The following SLC29A3 variants were observed in gnomAD, a reference collection of about 807,000 sequenced individuals.
The protein encoded by SLC29A3 is solute carrier family 29 member 3, also known as equilibrative nucleoside transporter 3.
A neutral mutation model predicts 25.4 loss-of-function variants in SLC29A3; 18 were observed. That is an observed-to-expected ratio of 0.71 (90% confidence interval 0.49 to 1.05). The LOEUF (loss-of-function observed/expected upper bound fraction) is 1.05, where lower values mean the gene tolerates loss of function less well. Among genes scored for constraint, SLC29A3 ranks in the 50% least tolerant of loss-of-function variants. The pLI is 0.00. For missense variants in SLC29A3, 586 were observed against 609.0 expected, an observed-to-expected ratio of 0.96 and a Z score of 0.40; for synonymous variants, 258 against 267.1, an observed-to-expected ratio of 0.97 and a Z score of 0.33.
At chr10:71,323,728 G>A (rs918128731) in intron 2 of SLC29A3, among the ~76,000 whole-genome samples, 1 of 152,184 alleles carries the variant, frequency 6.6e-6, no homozygotes, top group Admixed American at 6.5e-5. Flanking sequence ...GAATCCGAAG[G>A]GATAATTAGT....
intron 2 of SLC29A3, among the ~76,000 whole-genome samples, chr10:71,336,154 C>T (rs1846246425): frequency 6.6e-6 from 1 of 152,190 alleles, no homozygotes; most frequent in Non-Finnish European, 1.5e-5. Flanking sequence ...CAGTCTGTGG[C>T]TCTGTCTTCA....
intron 1 of SLC29A3, 133 bp downstream of exon 1, chr10:71,319,443 G>A (rs1455615799): frequency 2.1e-6 from 1 of 472,742 alleles, no homozygotes; most frequent in Non-Finnish European, 3.7e-6. Context: ...TACCCCATCC[G>A]TGGTCCCTTC....
intron 2 of SLC29A3, among the ~76,000 whole-genome samples, chr10:71,326,256 C>T (rs1845963092): frequency 6.6e-6 from 1 of 152,132 alleles, no homozygotes; most frequent in Non-Finnish European, 1.5e-5. Context: ...ATTATAATAC[C>T]ACCACCAACT....
intron 5 of SLC29A3, among the ~76,000 whole-genome samples, chr10:71,356,901 TA>T (rs1400206401): frequency 6.6e-6 from 1 of 152,194 alleles, no homozygotes; most frequent in Non-Finnish European, 1.5e-5. Flanking sequence ...TATTATTTTT[TA>T]TTATTCCCAT....
chr10:71,352,198 G>T (rs545591973), intron 4 of SLC29A3, among the ~76,000 whole-genome samples: 1 of 152,254 alleles, frequency 6.6e-6, no homozygotes, highest in South Asian at 2.1e-4. Flanking sequence ...CATGGTGTCT[G>T]GGTTGCAAAA....
intron 4 of SLC29A3, 129 bp from the exon 5 acceptor site, chr10:71,355,952 A>C (rs561705829): frequency 6.8e-6 from 7 of 1,027,038 alleles, no homozygotes; most frequent in Non-Finnish European, 1.0e-5. Flanking sequence ...CAGGACACTG[A>C]GAGAGCTTTG....
At chr10:71,381,190 G>A (rs947829659) in exon 5 of SLC29A3, 3 of 152,186 alleles carry the variant, frequency 2.0e-5, no homozygotes, top group Non-Finnish European at 4.4e-5. Flanking sequence ...CCTAATGTGA[G>A]CTATGGACTT....
At chr10:71,363,611 A>C (rs1847126390), downstream of SLC29A3, among the ~76,000 whole-genome samples, 1 of 151,276 alleles carries the variant, frequency 6.6e-6, no homozygotes, top group African/African-American at 2.4e-5. Flanking sequence ...CTACAGGTGC[A>C]CACCACCATG....
chr10:71,367,902 C>T (rs758592895), downstream of SLC29A3, among the ~76,000 whole-genome samples: 2 of 152,170 alleles, frequency 1.3e-5, no homozygotes, highest in Non-Finnish European at 2.9e-5. Context: ...ACTTTAGCCA[C>T]GTCCTGCTGG....
chr10:71,375,012 C>G (rs1375338420), intron 3 of SLC29A3, among the ~76,000 whole-genome samples: 1 of 152,202 alleles, frequency 6.6e-6, no homozygotes. Flanking sequence ...GCTCATCTCA[C>G]CTATGCCTGA....
intron 3 of SLC29A3, among the ~76,000 whole-genome samples, chr10:71,344,895 A>G (rs1846524682): frequency 6.6e-6 from 1 of 152,234 alleles, no homozygotes; most frequent in South Asian, 2.1e-4. Context: ...AGCTGCCACT[A>G]AATGATATCA....
chr10:71,345,635 C>A (rs977931664), intron 3 of SLC29A3, among the ~76,000 whole-genome samples: 1 of 150,770 alleles, frequency 6.6e-6, no homozygotes, highest in Non-Finnish European at 1.5e-5. Context: ...GTTGCAGCCC[C>A]TCTCACCAGC....
intron 4 of SLC29A3, among the ~76,000 whole-genome samples, chr10:71,378,894 G>A (rs1236489487): frequency 3.3e-5 from 5 of 152,178 alleles, no homozygotes; most frequent in South Asian, 4.1e-4. Context: ...TCTAATAAAC[G>A]ACTTGCACTT....
At position 71,362,356 on chromosome 10, in the gene SLC29A3, C is replaced by T; in HGVS notation, c.1176C>T (p.Leu392=). ...TCCTCCGGACCTGCCTCATCCCCCT[C>T]TTCGTGCTCTGTAACTACCAGCCCC... ...FVLLRTCLIP[L]FVLCNYQPRV... is the part of the protein sequence containing the mutation. Residue 392 remains leucine (L), a synonymous_variant, in exon 6 of 6, where the codon CTC becomes CTT. Coordinates refer to ENST00000373189, the MANE Select transcript of SLC29A3 (RefSeq NM_018344.6). The T allele has an allele frequency of 1.2e-6, 2 of 1,614,212 alleles. No homozygotes were observed. The highest frequency in any genetic ancestry group is 8.5e-7 in the Non-Finnish European group (1 of 1,180,042).
Position 71,362,676 on chromosome 10 carries a change from G to T in SLC29A3, c.*68G>T. ...ATGAGAAGAGAGTGCAGGAGGGCTG[G>T]GGGCCATGGAGGAAAGGCCTAAAGT... On this transcript the variant is annotated 3_prime_UTR_variant, in exon 6 of 6. Transcript: ENST00000373189. 1 of 1,604,170 alleles carries T rather than the reference G, an allele frequency of 6.2e-7. No individual in the cohort carries two copies.
intron 2 of SLC29A3, among the ~76,000 whole-genome samples, chr10:71,335,814 T>TA (rs1451651285): frequency 6.6e-6 from 1 of 151,650 alleles, no homozygotes; most frequent in Non-Finnish European, 1.5e-5. Context: ...GATGTATGGG[T>TA]AGAGGTCATG....
chr10:71,362,927 G>T lies in SLC29A3; in HGVS notation c.*319G>T. 1 of 540,248 alleles carries T rather than the reference G, an allele frequency of 1.9e-6. No homozygotes were observed. Among genetic ancestry groups the T allele is most frequent in the Non-Finnish European group, 3.5e-6 (1 of 283,594 alleles). The allele number at this position is 540,248 out of a possible 1,614,324, so 33.5% of individuals were successfully genotyped here. A position where few individuals can be genotyped will look rare whatever the true frequency, so the allele number is the denominator to read the frequency against. Reference sequence around the variant, plus strand: ...CCCTTCAAAGATGCTGCCAGTGTTCGCCCTAGAGTTATTACAAAGCCAGTG... The same window carrying T: ...CCCTTCAAAGATGCTGCCAGTGTTCTCCCTAGAGTTATTACAAAGCCAGTG... On this transcript the variant is annotated 3_prime_UTR_variant, in exon 6 of 6. Coordinates refer to ENST00000373189, the MANE Select transcript of SLC29A3 (RefSeq NM_018344.6).
chr10:71,370,389 C>T (rs1847202083), intron 3 of SLC29A3, among the ~76,000 whole-genome samples: 1 of 152,234 alleles, frequency 6.6e-6, no homozygotes, highest in Non-Finnish European at 1.5e-5. Flanking sequence ...TGCCCCTCAG[C>T]AAGACCATAC....
chr10:71,352,232 C>G (rs1472780204), intron 4 of SLC29A3, among the ~76,000 whole-genome samples: 1 of 152,072 alleles, frequency 6.6e-6, no homozygotes, highest in Non-Finnish European at 1.5e-5. Context: ...GAGATCCAGG[C>G]AGAAGCTTTA....
Sources: allele counts gnomAD v4.1 joint callset (sites outside exome capture counted in the v4.1 genomes callset), GRCh38; gene constraint gnomAD v4.1.1; transcripts MANE v1.5; gene names NCBI Gene and HGNC (gene_info 2026-07-23, HGNC 2026-07-21).